The following DZIP1 variants were observed in gnomAD, a reference collection of about 807,000 sequenced individuals.
DZIP1 encodes DAZ interacting zinc finger protein 1.
Under a neutral mutation model 107.6 loss-of-function variants are expected in DZIP1, and 97 were observed. The observed-to-expected ratio is 0.90, with a 90% CI of 0.77 to 1.07. DZIP1 has a LOEUF of 1.07. DZIP1 is among the 50% of genes least tolerant of loss of function. The probability of loss-of-function intolerance (pLI) is 0.00; values close to 1 mark genes in which losing one functional copy is unlikely to be tolerated. For synonymous variants in DZIP1, 390 were observed against 386.4 expected (o/e 1.01, Z -0.11); for missense variants, 1,035 against 1,063.6 (o/e 0.97, Z 0.37).
chr13:95,627,840 T>C (rs1876725017), intron 7 of DZIP1, among the ~76,000 whole-genome samples: 1 of 152,172 alleles, frequency 6.6e-6, no homozygotes, highest in Non-Finnish European at 1.5e-5. Context: ...ACATGAATGT[T>C]TATAGTAGCA....
chr13:95,622,805 T>C (rs1566411686), intron 8 of DZIP1, among the ~76,000 whole-genome samples: 1 of 151,518 alleles, frequency 6.6e-6, no homozygotes, highest in Non-Finnish European at 1.5e-5. Context: ...TGCAGTGATA[T>C]GATCATGGCT....
intron 5 of DZIP1, among the ~76,000 whole-genome samples, chr13:95,634,867 C>A (rs1359609849): frequency 6.6e-6 from 1 of 151,922 alleles, no homozygotes; most frequent in African/African-American, 2.4e-5. Flanking sequence ...CACATATTGT[C>A]TTAGAAAAAA....
intron 15 of DZIP1, among the ~76,000 whole-genome samples, chr13:95,597,162 C>T (rs974054564): frequency 6.6e-6 from 1 of 152,198 alleles, no homozygotes; most frequent in African/African-American, 2.4e-5. Flanking sequence ...AAAGCACAGG[C>T]AGAGGGATGC....
In DZIP1 at chr13:95,609,968, C is replaced by T. The variant is rs377442390; in HGVS notation, c.1364-455G>A. 1.6e-3 allele frequency among the ~76,000 whole-genome samples: 245 copies of T among 151,996 alleles called. 1 individual carries two copies. The highest frequency in any genetic ancestry group is 4.8e-3 in the African/African-American group (199 of 41,420). ...GAAGAAAACTAGGCAGAAGTAAGACCCTGAACCTATGGCTCCCAGTCTCCC... is the reference window on the plus strand; with the variant it reads ...GAAGAAAACTAGGCAGAAGTAAGACTCTGAACCTATGGCTCCCAGTCTCCC... On this transcript the variant is annotated intron_variant, in intron 12 of 22. Coordinates refer to ENST00000376829, the MANE Select transcript of DZIP1 (RefSeq NM_198968.4).
At chr13:95,624,377 G>A (rs1048202413) in intron 8 of DZIP1, among the ~76,000 whole-genome samples, 40 of 152,192 alleles carry the variant, frequency 2.6e-4, no homozygotes, top group Admixed American at 2.6e-4. Flanking sequence ...CTGGGCCTGG[G>A]TTGAGGAGGG....
At position 95,619,879 on chromosome 13, in the gene DZIP1, C is replaced by T. The variant is rs1454265418; in HGVS notation, c.1173+6G>A. ...CCACTTTAGGCCACTGGTTTCTTAA[C>T]CTTACCCGACCCTTCTCTTTCTTGT... On this transcript the variant is annotated splice_donor_region_variant and intron_variant, in intron 10 of 22. Transcript: ENST00000376829. The T allele has an allele frequency of 2.5e-6, 4 of 1,613,468 alleles. No individual in the cohort carries two copies. Among genetic ancestry groups the T allele is most frequent in the African/African-American group, 1.3e-5 (1 of 75,020 alleles).
chr13:95,629,144 C>T (rs1005842330), intron 7 of DZIP1, among the ~76,000 whole-genome samples: 11 of 152,308 alleles, frequency 7.2e-5, no homozygotes, highest in Non-Finnish European at 1.0e-4. Flanking sequence ...ATGGGGGAAA[C>T]AAGGAAGAGC....
At chr13:95,611,636 A>G (rs763032042) in intron 11 of DZIP1, 143 bp from the exon 12 acceptor site, 4 of 692,832 alleles carry the variant, frequency 5.8e-6, no homozygotes, top group Non-Finnish European at 9.6e-6. Context: ...CTTTAAAAGC[A>G]TAGAGGCAGA....
intron 14 of DZIP1, among the ~76,000 whole-genome samples, chr13:95,604,833 A>AT (rs2044724718): frequency 6.6e-6 from 1 of 152,366 alleles, no homozygotes; most frequent in Admixed American, 6.5e-5. Context: ...CAACAGAGAG[A>AT]TTTTAGACCT....
chr13:95,594,461 T>G (rs916525123), intron 15 of DZIP1, among the ~76,000 whole-genome samples: 8 of 152,122 alleles, frequency 5.3e-5, no homozygotes, highest in Non-Finnish European at 8.8e-5. Context: ...CAGTTAGAAT[T>G]TATGTATCAT....
In DZIP1 at chr13:95,581,009, A is replaced by T. The variant is rs145685507; in HGVS notation, c.*1225T>A. ...AGATTTGTTCTAACCATTAGGACAGAATGTCATATGGCATAGCAATCAAGG... is the reference window on the plus strand; with the variant it reads ...AGATTTGTTCTAACCATTAGGACAGTATGTCATATGGCATAGCAATCAAGG... On this transcript the variant is annotated 3_prime_UTR_variant, in exon 23 of 23. Transcript: ENST00000376829. 238 of 152,328 alleles carry T rather than the reference A, an allele frequency of 1.6e-3. No homozygotes were observed. The highest frequency in any genetic ancestry group is 4.8e-3 in the African/African-American group (199 of 41,574). 9.4% of individuals were successfully genotyped at this position (152,328 alleles called of 1,614,324 possible).
chr13:95,611,271 G>A (rs981709539), intron 12 of DZIP1, among the ~76,000 whole-genome samples, 174 bp downstream of exon 12: 1 of 152,182 alleles, frequency 6.6e-6, no homozygotes, highest in Non-Finnish European at 1.5e-5. Context: ...ACCTTTCTGG[G>A]TTGTGGTAAC....
In DZIP1 at chr13:95,619,897, T is replaced by C; in HGVS notation, c.1161A>G (p.Lys387=). Residue 387 remains lysine, a synonymous_variant, in exon 10 of 23, where the codon AAA becomes AAG. Coordinates refer to ENST00000376829, the MANE Select transcript of DZIP1 (RefSeq NM_198968.4). ...RVQAIHQEHK[K]EKGRLLSHIE... ...TTCTTAACCTTACCCGACCCTTCTC[T>C]TTCTTGTGTTCTTGATGAATAGCTT... is the stretch of plus-strand genomic sequence containing the variant. The C allele has an allele frequency of 6.2e-7, 1 of 1,613,934 alleles. No homozygotes were observed.
intron 7 of DZIP1, among the ~76,000 whole-genome samples, chr13:95,626,078 G>T (rs977626321): frequency 1.3e-5 from 2 of 152,088 alleles, no homozygotes; most frequent in African/African-American, 4.8e-5. Context: ...GCTGCAGTGA[G>T]CTGTGATTGT....
intron 12 of DZIP1, among the ~76,000 whole-genome samples, chr13:95,610,465 C>T (rs1212460625): frequency 6.6e-6 from 1 of 151,876 alleles, no homozygotes; most frequent in Non-Finnish European, 1.5e-5. Flanking sequence ...TGCCTGCTGC[C>T]ATGCACAGCT....
At chr13:95,591,061 C>T (rs1199567297) in intron 16 of DZIP1, among the ~76,000 whole-genome samples, 2 of 149,538 alleles carry the variant, frequency 1.3e-5, no homozygotes, top group African/African-American at 2.5e-5. Flanking sequence ...CAGAGTCTCG[C>T]CCTGTTGCCC....
intron 14 of DZIP1, among the ~76,000 whole-genome samples, chr13:95,602,910 C>T (rs1313446141): frequency 6.6e-6 from 1 of 152,208 alleles, no homozygotes; most frequent in Admixed American, 6.5e-5. Flanking sequence ...AAGTCTAGAG[C>T]ATACCACCTG....
chr13:95,642,176 C>A lies in DZIP1; in HGVS notation c.-147G>T. ...GGCGTCCAGGACGTTGCTATAGCAG[C>A]GCCCAGGTCCGGACCTGGAGCAAAG... On this transcript the variant is annotated 5_prime_UTR_variant, in exon 4 of 23. Coordinates refer to ENST00000376829, the MANE Select transcript of DZIP1 (RefSeq NM_198968.4). 9.2e-7 allele frequency: 1 copy of A among 1,083,312 alleles called. No individual in the cohort carries two copies. The highest frequency in any genetic ancestry group is 1.3e-6 in the Non-Finnish European group (1 of 797,840). The allele number at this position is 1,083,312 out of a possible 1,614,324, so 67.1% of individuals were successfully genotyped here. A position where few individuals can be genotyped will look rare whatever the true frequency, so the allele number is the denominator to read the frequency against.
rs748088588 is a variant in DZIP1 at position 95,624,901 on chromosome 13, T to C, written c.839A>G (p.Glu280Gly). The change falls in exon 8 of 23, where the codon GAA becomes GGA. Residue 280 changes from glutamate (E) to glycine (G), a missense_variant. Coordinates refer to ENST00000376829, the MANE Select transcript of DZIP1 (RefSeq NM_198968.4). ...CCTGTCAAATAACTTCAAAAAGTCT[T>C]CCTCTTTTGTTTTCTGCATTTCATA... ...KEYEMQKTKE[E>G]DFLKLFDRWK... 6.8e-6 allele frequency: 11 copies of C among 1,608,600 alleles called. No homozygotes were observed. The East Asian group carries it at 8.9e-5, about 13-fold the overall frequency.
Sources: gnomAD v4.1 joint callset for allele counts (sites outside exome capture counted in the v4.1 genomes callset) on GRCh38, gnomAD v4.1.1 for gene constraint, MANE v1.5 for transcripts, NCBI Gene and HGNC (gene_info 2026-07-23, HGNC 2026-07-21) for gene names.